Variants in CCNG1 observed in about 807,000 individuals in gnomAD.
CCNG1 encodes the protein cyclin-G1.
CCNG1 carries 13 observed loss-of-function variants against 30.0 expected under a neutral mutation model. The ratio of observed to expected loss-of-function variants is 0.43; its 90% CI spans 0.28 to 0.69. The LOEUF is 0.69. CCNG1 is among the 30% of genes least tolerant of loss of function. The pLI, the probability that CCNG1 is intolerant of heterozygous loss-of-function variation, is 0.16. For synonymous variants in CCNG1, 110 were observed against 121.5 expected, an observed-to-expected ratio of 0.91 and a Z score of 0.62; for missense variants, 285 against 331.4, an observed-to-expected ratio of 0.86 and a Z score of 1.09.
chr5:163,455,722 C>G, the CCNG1 span, among the ~76,000 whole-genome samples: 42 of 145,004 alleles, frequency 2.9e-4, no homozygotes, highest in Non-Finnish European at 5.5e-4. Flanking sequence ...AGAGATCGCA[C>G]CACTCCATCT....
At chr5:163,442,598 TA>T in intron 6 of CCNG1, 30 bp downstream of exon 6, 1 of 1,507,284 alleles carries the variant, frequency 6.6e-7, no homozygotes, top group Non-Finnish European at 9.0e-7. Context: ...ATTCTCCAGA[TA>T]GAGAACATTT....
downstream of CCNG1, chr5:163,449,920 G>A (rs189994181): frequency 4.0e-4 from 61 of 152,108 alleles, no homozygotes; most frequent in Admixed American, 1.8e-3. Context: ...AATGGATCAC[G>A]GATCTAAATG....
the CCNG1 span, chr5:163,456,964 G>A: frequency 6.2e-7 from 1 of 1,611,148 alleles, no homozygotes; most frequent in Non-Finnish European, 8.5e-7. Flanking sequence ...AGCTTTCTCT[G>A]CATTTGGTCT....
At chr5:163,449,352 G>C (rs955008978), downstream of CCNG1, 1 of 152,158 alleles carries the variant, frequency 6.6e-6, no homozygotes, top group Non-Finnish European at 1.5e-5. Context: ...ACATACTAGC[G>C]ATGTGCAATT....
downstream of CCNG1, among the ~76,000 whole-genome samples, chr5:163,445,670 C>T (rs113399357): frequency 3.2e-5 from 4 of 125,914 alleles, no homozygotes; most frequent in South Asian, 2.5e-4. Context: ...GTTGCCCAGG[C>T]GGATCTCAAA....
chr5:163,454,785 A>G, the CCNG1 span, among the ~76,000 whole-genome samples: 2 of 152,334 alleles, frequency 1.3e-5, no homozygotes, highest in Non-Finnish European at 2.9e-5. Context: ...CGTTTATCCA[A>G]CAAACATTTG....
chr5:163,455,540 G>A, the CCNG1 span, among the ~76,000 whole-genome samples: 1 of 152,188 alleles, frequency 6.6e-6, no homozygotes. Context: ...AAGGCGGGCG[G>A]ATCACGAGGT....
At chr5:163,441,014 C>T (rs939412665) in intron 2 of CCNG1, 64 bp from the exon 3 acceptor site, 3 of 1,507,016 alleles carry the variant, frequency 2.0e-6, no homozygotes, top group African/African-American at 2.8e-5. Flanking sequence ...CTAGATTATC[C>T]TTTATGTTTT....
chr5:163,437,793 GTC>G lies in CCNG1; in HGVS notation c.-8_-7del, dbSNP rs897602290. Reference sequence around the variant, plus strand: ...GGGTGGTTACCGCTGAGGAGCTGCAGTCTCTGTCAAGGTGAGTGGGACTGCGC... The same window carrying G: ...GGGTGGTTACCGCTGAGGAGCTGCAGTCTGTCAAGGTGAGTGGGACTGCGC... On this transcript the variant is annotated 5_prime_UTR_variant, in exon 1 of 7. Transcript: ENST00000340828. 2 of 152,578 alleles carry G rather than the reference GTC, an allele frequency of 1.3e-5. No homozygotes were observed. Among genetic ancestry groups the G allele is most frequent in the African/African-American group, 4.8e-5 (2 of 41,462 alleles). The allele number at this position is 152,578 out of a possible 1,614,324, so 9.5% of individuals were successfully genotyped here.
chr5:163,453,101 C>A, the CCNG1 span: 1 of 152,114 alleles, frequency 6.6e-6, no homozygotes, highest in South Asian at 2.1e-4. Context: ...GGAATCATGT[C>A]TTCAACTAAA....
At chr5:163,447,846 C>T (rs1421580094), downstream of CCNG1, 1 of 152,152 alleles carries the variant, frequency 6.6e-6, no homozygotes, top group African/African-American at 2.4e-5. Flanking sequence ...ACTCATGATA[C>T]TACAGGGAAG....
At chr5:163,441,809 T>C in intron 3 of CCNG1, 77 bp from the exon 4 acceptor site, 4 of 858,576 alleles carry the variant, frequency 4.7e-6, no homozygotes, top group East Asian at 2.5e-5. Flanking sequence ...AAAAATTGAC[T>C]TCAATGTTTT....
chr5:163,447,557 T>C (rs1758070533), downstream of CCNG1: 1 of 151,868 alleles, frequency 6.6e-6, no homozygotes, highest in African/African-American at 2.4e-5. Context: ...GTCCATAGAA[T>C]TAATAGAAAA....
chr5:163,439,229 C>G (rs1427640921), intron 1 of CCNG1, 28 bp from the exon 2 acceptor site: 2 of 1,602,104 alleles, frequency 1.2e-6, no homozygotes, highest in South Asian at 1.1e-5. Flanking sequence ...CTCTTACACT[C>G]CTTGCTGGTC....
chr5:163,448,964 G>A (rs1415653355), downstream of CCNG1: 3 of 152,094 alleles, frequency 2.0e-5, no homozygotes, highest in Non-Finnish European at 4.4e-5. Context: ...ATGACAAAGG[G>A]AATTTAAGAA....
chr5:163,450,049 A>C (rs900567901), downstream of CCNG1: 2 of 152,088 alleles, frequency 1.3e-5, no homozygotes, highest in Non-Finnish European at 2.9e-5. Context: ...AGGTCAGTTC[A>C]AGACCAGCCT....
chr5:163,441,248 G>A lies in CCNG1; in HGVS notation c.435G>A (p.Val145=), dbSNP rs375655843. 5 of 1,613,974 alleles carry A rather than the reference G, an allele frequency of 3.1e-6. No individual in the cohort carries two copies. The highest frequency in any genetic ancestry group is 4.2e-6 in the Non-Finnish European group (5 of 1,179,866). The part of the protein sequence containing the change: ...MRMEKIVLEK[V]CWKVKATTAF... ...TGGAAAAGATTGTATTGGAGAAGGT[G>A]TGTTGGAAAGTCAAAGCTACTACTG... is the stretch of plus-strand genomic sequence containing the variant. The change falls in exon 3 of 7, where the codon GTG becomes GTA. Residue 145 remains valine, a synonymous_variant. Coordinates refer to ENST00000340828, the MANE Select transcript of CCNG1 (RefSeq NM_004060.4).
intron 2 of CCNG1, 175 bp downstream of exon 2, chr5:163,439,695 G>T: frequency 5.5e-6 from 3 of 541,104 alleles, no homozygotes; most frequent in Admixed American, 3.6e-5. Context: ...TAGTACATCA[G>T]GTATTAGACT....
At chr5:163,446,317 A>C, downstream of CCNG1, among the ~76,000 whole-genome samples, 1 of 152,166 alleles carries the variant, frequency 6.6e-6, no homozygotes, top group East Asian at 1.9e-4. Flanking sequence ...TGGTACTATG[A>C]ATCATCTCAT....
Sources: allele counts gnomAD v4.1 joint callset (sites outside exome capture counted in the v4.1 genomes callset), GRCh38; gene constraint gnomAD v4.1.1; transcripts MANE v1.5; gene names NCBI Gene and HGNC (gene_info 2026-07-23, HGNC 2026-07-21).